FBRS: variants seen among roughly 807,000 people sequenced by gnomAD.
FBRS encodes fibrosin.
FBRS carries 15 observed loss-of-function variants against 86.1 expected under a neutral mutation model. That is an observed-to-expected ratio of 0.17 (90% CI 0.12 to 0.27). The LOEUF (loss-of-function observed/expected upper bound fraction) is 0.27, where lower values mean the gene tolerates loss of function less well. Among genes scored for constraint, FBRS ranks in the 10% least tolerant of loss-of-function variants. The probability of loss-of-function intolerance (pLI) is 1.00; values close to 1 mark genes in which losing one functional copy is unlikely to be tolerated. For missense variants in FBRS, 1,367 were observed against 1,301.6 expected (o/e 1.05, Z -0.77); for synonymous variants, 666 against 575.8 (o/e 1.16, Z -2.24).
rs756678018 is a variant in FBRS, at chr16:30,670,604, A to C, written c.*959A>C. ...ACACACCAAAGAAGGGGGTCGGCCCAGGGGTGGGCGACACAGGCAGCTTCT... is the reference window on the plus strand; with the variant it reads ...ACACACCAAAGAAGGGGGTCGGCCCCGGGGTGGGCGACACAGGCAGCTTCT... On this transcript the variant is annotated 3_prime_UTR_variant, in exon 18 of 18. Transcript: ENST00000356166. 163 of 166,324 alleles carry C rather than the reference A, an allele frequency of 9.8e-4. No homozygotes were observed. Among genetic ancestry groups the C allele is most frequent in the Non-Finnish European group, 1.8e-3 (136 of 75,394 alleles). The allele number at this position is 166,324 out of a possible 1,614,324, so 10.3% of individuals were successfully genotyped here.
chr16:30,670,230 G>A lies in FBRS; in HGVS notation c.*585G>A, dbSNP rs1324969096. The A allele has an allele frequency of 1.7e-5, 8 of 457,454 alleles. No individual in the cohort carries two copies. Among genetic ancestry groups the A allele is most frequent in the Non-Finnish European group, 8.8e-6 (2 of 226,776 alleles). 28.3% of individuals were successfully genotyped at this position (457,454 alleles called of 1,614,324 possible). Reference sequence around the variant, plus strand: ...CCTCTGGCCTCTCTGTGGGGAAAGGGGACTGCAGGGGGAAGAGCCGGGAAG... The same window carrying A: ...CCTCTGGCCTCTCTGTGGGGAAAGGAGACTGCAGGGGGAAGAGCCGGGAAG... On this transcript the variant is annotated 3_prime_UTR_variant, in exon 18 of 18. Transcript: ENST00000356166.
chr16:30,669,547 C>A lies in FBRS; in HGVS notation c.2845C>A (p.Pro949Thr). The A allele has an allele frequency of 6.2e-7, 1 of 1,612,898 alleles. No homozygotes were observed. The highest frequency in any genetic ancestry group is 8.5e-7 in the Non-Finnish European group (1 of 1,179,814). The stretch of plus-strand genomic sequence containing the variant: ...AACCCCTCACCTTCTCAGCAAGACC[C>A]CACCGGGAGCCCTTTTGGGGGCACC... The part of the protein sequence containing the change: ...PGTPHLLSKT[P>T]PGALLGAPPP... The change falls in exon 18 of 18, where the codon CCA (proline) becomes ACA (threonine). Residue 949 changes from proline (P) to threonine (T), a missense_variant. Pro to Thr is a conservative substitution (Grantham distance 38). Coordinates refer to ENST00000356166, the MANE Select transcript of FBRS (RefSeq NM_001105079.3). This position sits in a 1 kb window ranked among gnomAD's most constrained non-coding sequence, Gnocchi z 5.9.
At chr16:30,666,896 T>G (rs774741367) in intron 12 of FBRS, 23 bp from the exon 13 acceptor site, 1 of 1,608,112 alleles carries the variant, frequency 6.2e-7, no homozygotes, top group East Asian at 2.2e-5. Context: ...CCTTTCCCTT[T>G]GGTCATCCTT....
At position 30,668,657 on chromosome 16, in the gene FBRS, C is replaced by T. The variant is rs1484400146; in HGVS notation, c.2158+14C>T. 8 of 1,156,662 alleles carry T rather than the reference C, an allele frequency of 6.9e-6. No homozygotes were observed. Among genetic ancestry groups the T allele is most frequent in the African/African-American group, 1.6e-5 (1 of 64,208 alleles). The allele number at this position is 1,156,662 out of a possible 1,614,324, so 71.6% of individuals were successfully genotyped here. ...GCCCCACATTCAGTGAGTGCGGGTG[C>T]GGTGGGGTGGGGGGGCTGCGGCCAC... On this transcript the variant is annotated intron_variant, in intron 16 of 17. Transcript: ENST00000356166.
In FBRS at chr16:30,662,791, G is replaced by A. The variant is rs777652811; in HGVS notation, c.987G>A (p.Gln329=). The change falls in exon 6 of 18, where the codon CAG becomes CAA. Residue 329 remains glutamine (Q), a synonymous_variant. Transcript: ENST00000356166. ...CACCCCCACCCCAGCCCCAGCTGCAGCTTCGGGTCTCACCCTTCGGCCTCC... is the reference window on the plus strand; with the variant it reads ...CACCCCCACCCCAGCCCCAGCTGCAACTTCGGGTCTCACCCTTCGGCCTCC... ...SLPPPPQPQL[Q]LRVSPFGLRT... The A allele has an allele frequency of 2.3e-5, 35 of 1,495,552 alleles. No individual in the cohort carries two copies. Among genetic ancestry groups the A allele is most frequent in the East Asian group, 2.5e-5 (1 of 40,296 alleles). 92.6% of individuals were successfully genotyped at this position (1,495,552 alleles called of 1,614,324 possible).
chr16:30,664,943 G>A (rs778426067), intron 8 of FBRS, 23 bp downstream of exon 8: 19 of 1,608,728 alleles, frequency 1.2e-5, no homozygotes, highest in African/African-American at 2.7e-5. Context: ...TTGGGCTGGC[G>A]ATGAGGCTCG....
rs553876275 is a variant in FBRS at position 30,668,483 on chromosome 16, G to A, written c.2075-77G>A. ...GCTGAGGACTCCAGGCACCGGTCCTGCCTCTGCCCAGCCAGGCCTGGTGCC... is the reference window on the plus strand; with the variant it reads ...GCTGAGGACTCCAGGCACCGGTCCTACCTCTGCCCAGCCAGGCCTGGTGCC... On this transcript the variant is annotated intron_variant, in intron 15 of 17. Coordinates refer to ENST00000356166, the MANE Select transcript of FBRS (RefSeq NM_001105079.3). 4 of 1,352,614 alleles carry A rather than the reference G, an allele frequency of 3.0e-6. No homozygotes were observed. The Admixed American group carries it at 5.4e-5, about 18-fold the overall frequency. The allele number at this position is 1,352,614 out of a possible 1,614,324, so 83.8% of individuals were successfully genotyped here. A position where few individuals can be genotyped will look rare whatever the true frequency, so the allele number is the denominator to read the frequency against.
At chr16:30,666,335 G>A in intron 11 of FBRS, 177 bp from the exon 12 acceptor site, 2 of 740,292 alleles carry the variant, frequency 2.7e-6, no homozygotes, top group Non-Finnish European at 4.4e-6. Flanking sequence ...TTGTGCTGGA[G>A]GAGAGATGCC....
At position 30,660,045 on chromosome 16, in the gene FBRS, T is replaced by C; in HGVS notation, c.459+68T>C. On this transcript the variant is annotated intron_variant, in intron 1 of 17. Coordinates refer to ENST00000356166, the MANE Select transcript of FBRS (RefSeq NM_001105079.3). The stretch of plus-strand genomic sequence containing the variant: ...GGCAGCAAGGAGGGGGCAGTGCCCC[T>C]AGTGGGTGGAGTTGAGGGGGGAATG... 3 of 1,512,196 alleles carry C rather than the reference T, an allele frequency of 2.0e-6. No homozygotes were observed. In the East Asian group the frequency reaches 7.7e-5, roughly 39 times the overall value. The allele number at this position is 1,512,196 out of a possible 1,614,324, so 93.7% of individuals were successfully genotyped here.
chr16:30,668,987 T>TTCCCCCCCCCCCCC lies in FBRS; in HGVS notation c.2366+8_2366+9insTCCCCCCCCCCCCC. On this transcript the variant is annotated intron_variant, in intron 17 of 17. Transcript: ENST00000356166. Reference sequence around the variant, plus strand: ...CAAGGAGGAGAAGGACAGGTGTGCCTCCCACCCACCCTGCCCCTGCCCCAC... The same window carrying TTCCCCCCCCCCCCC: ...CAAGGAGGAGAAGGACAGGTGTGCCTTCCCCCCCCCCCCCCCCACCCACCCTGCCCCTGCCCCAC... 1.4e-6 allele frequency: 2 copies of TTCCCCCCCCCCCCC among 1,481,116 alleles called. No individual in the cohort carries two copies. The highest frequency in any genetic ancestry group is 1.8e-6 in the Non-Finnish European group (2 of 1,088,966). 91.7% of individuals were successfully genotyped at this position (1,481,116 alleles called of 1,614,324 possible).
chr16:30,664,262 C>A lies in FBRS; in HGVS notation c.1103C>A (p.Pro368His). The change falls in exon 7 of 18, where the codon CCT (proline) becomes CAT (histidine). Residue 368 changes from proline to histidine, a missense_variant. This residue lies in a region of FBRS where 702 missense variants were observed against 598.7 expected (regional missense o/e 1.17). Coordinates refer to ENST00000356166, the MANE Select transcript of FBRS (RefSeq NM_001105079.3). ...PKAPAPPVAQ[P>H]PPSSSSSSSS... ...GCCCCGGCCCCTCCCGTGGCTCAGC[C>A]TCCCCCCTCATCATCCTCTTCGTCC... The A allele has an allele frequency of 6.7e-7, 1 of 1,482,096 alleles. No individual in the cohort carries two copies. The highest frequency in any genetic ancestry group is 9.0e-7 in the Non-Finnish European group (1 of 1,106,158). The allele number at this position is 1,482,096 out of a possible 1,614,324, so 91.8% of individuals were successfully genotyped here. A position where few individuals can be genotyped will look rare whatever the true frequency, so the allele number is the denominator to read the frequency against.
chr16:30,664,365 G>A lies in FBRS; in HGVS notation c.1206G>A (p.Leu402=), dbSNP rs1196487789. The change falls in exon 7 of 18, where the codon TTG becomes TTA. Residue 402 remains leucine, a synonymous_variant. Coordinates refer to ENST00000356166, the MANE Select transcript of FBRS (RefSeq NM_001105079.3). ...RPPTPSLPLP[L]STHSFPPPGL... Reference sequence around the variant, plus strand: ...CGACGCCCTCACTGCCCCTGCCTTTGTCCACCCACAGCTTTCCCCCTCCCG... The same window carrying A: ...CGACGCCCTCACTGCCCCTGCCTTTATCCACCCACAGCTTTCCCCCTCCCG... 2 of 1,525,426 alleles carry A rather than the reference G, an allele frequency of 1.3e-6. No individual in the cohort carries two copies. The highest frequency in any genetic ancestry group is 5.0e-5 in the East Asian group (2 of 39,794). 94.5% of individuals were successfully genotyped at this position (1,525,426 alleles called of 1,614,324 possible). A position where few individuals can be genotyped will look rare whatever the true frequency, so the allele number is the denominator to read the frequency against.
chr16:30,667,651 CAG>C, intron 15 of FBRS, 29 bp downstream of exon 15: 1 of 1,466,804 alleles, frequency 6.8e-7, no homozygotes, highest in Non-Finnish European at 9.0e-7. Flanking sequence ...TTGGGCAACC[CAG>C]GCTTTGTCCC....
Position 30,667,261 on chromosome 16 carries a change from G to A in FBRS, c.1876-59G>A, listed in dbSNP as rs541460713. On this transcript the variant is annotated intron_variant, in intron 13 of 17. Transcript: ENST00000356166. ...TTGGAGGGGAACCACGGGTGAGAGA[G>A]CAAGAGGGGGACCAGACTGGCTCCT... The A allele has an allele frequency of 5.2e-6, 7 of 1,344,726 alleles. 1 individual carries two copies. In the Admixed American group the frequency reaches 1.6e-4, roughly 32 times the overall value. 83.3% of individuals were successfully genotyped at this position (1,344,726 alleles called of 1,614,324 possible). A position where few individuals can be genotyped will look rare whatever the true frequency, so the allele number is the denominator to read the frequency against.
Position 30,658,527 on chromosome 16 carries a change from A to C in FBRS, c.-992A>C, listed in dbSNP as rs1288640743. 6.6e-6 allele frequency: 1 copy of C among 152,522 alleles called. No homozygotes were observed. Among genetic ancestry groups the C allele is most frequent in the East Asian group, 1.9e-4 (1 of 5,204 alleles). The allele number at this position is 152,522 out of a possible 1,614,324, so 9.4% of individuals were successfully genotyped here. On this transcript the variant is annotated 5_prime_UTR_variant, in exon 1 of 18. Coordinates refer to ENST00000356166, the MANE Select transcript of FBRS (RefSeq NM_001105079.3). Reference sequence around the variant, plus strand: ...CTAAGACTCCAAAGGAGACAACAGGAGTTTGTGCTGGAGCTCCCCCGCTGC... The same window carrying C: ...CTAAGACTCCAAAGGAGACAACAGGCGTTTGTGCTGGAGCTCCCCCGCTGC...
rs1381559215 is a variant in FBRS at position 30,664,226 on chromosome 16, C to A, written c.1067C>A (p.Pro356Gln). 2 of 1,423,686 alleles carry A rather than the reference C, an allele frequency of 1.4e-6. No individual in the cohort carries two copies. The highest frequency in any genetic ancestry group is 1.9e-6 in the Non-Finnish European group (2 of 1,073,790). 88.2% of individuals were successfully genotyped at this position (1,423,686 alleles called of 1,614,324 possible). Reference sequence around the variant, plus strand: ...ACTTCTCTCCCCAGCTCTTCACGGCCGCCCCCCAAGGCCCCGGCCCCTCCC... The same window carrying A: ...ACTTCTCTCCCCAGCTCTTCACGGCAGCCCCCCAAGGCCCCGGCCCCTCCC... ...LDLSTGSSSR[P>Q]PPKAPAPPVA... Residue 356 changes from proline (P) to glutamine (Q), a missense_variant, in exon 7 of 18, where the codon CCG becomes CAG. Transcript: ENST00000356166.
Position 30,664,405 on chromosome 16 carries a change from C to G in FBRS, c.1246C>G (p.Pro416Ala), listed in dbSNP as rs2052496771. 3 of 1,381,782 alleles carry G rather than the reference C, an allele frequency of 2.2e-6. No homozygotes were observed. The highest frequency in any genetic ancestry group is 2.7e-5 in the East Asian group (1 of 37,330). 85.6% of individuals were successfully genotyped at this position (1,381,782 alleles called of 1,614,324 possible). A position where few individuals can be genotyped will look rare whatever the true frequency, so the allele number is the denominator to read the frequency against. ...SFPPPGLRPP[P>A]PPHHPSLFSP... Reference sequence around the variant, plus strand: ...TCCCCCTCCCGGGCTGCGGCCCCCCCCACCACCCCACCACCCCTCCTTGTT... The same window carrying G: ...TCCCCCTCCCGGGCTGCGGCCCCCCGCACCACCCCACCACCCCTCCTTGTT... Residue 416 changes from proline to alanine, a missense_variant, in exon 7 of 18, where the codon CCA (proline) becomes GCA (alanine). Around this residue, in one of 3 missense-constraint regions of FBRS, gnomAD observed 702 missense variants for 598.7 expected, o/e 1.17. Coordinates refer to ENST00000356166, the MANE Select transcript of FBRS (RefSeq NM_001105079.3).
Position 30,665,133 on chromosome 16 carries a change from TC to T in FBRS, c.1608+56del. ...GGTGTGTGGTGTGGGCGTGGATGCA[TC>T]CATGCTTGTGACCCTGACTGCTGGG... On this transcript the variant is annotated intron_variant, in intron 9 of 17. Transcript: ENST00000356166. This position sits in a 1 kb window ranked among gnomAD's most constrained non-coding sequence, Gnocchi z 4.1. The T allele has an allele frequency of 6.3e-7, 1 of 1,591,330 alleles. No individual in the cohort carries two copies.
chr16:30,664,821 C>CCACCAGCACAACCACCAG lies in FBRS; in HGVS notation c.1475_1492dup (p.Asn492_His497dup). 6.4e-7 allele frequency: 1 copy of CCACCAGCACAACCACCAG among 1,563,236 alleles called. No homozygotes were observed. The highest frequency in any genetic ancestry group is 8.7e-7 in the Non-Finnish European group (1 of 1,153,584). On this transcript the variant is annotated inframe_insertion, in exon 8 of 18. Coordinates refer to ENST00000356166, the MANE Select transcript of FBRS (RefSeq NM_001105079.3). ...CGGCCCGGCCCCTGGCCTTCCAGTT[C>CCACCAGCACAACCACCAG]CACCAGCACAACCACCAGCACCAGC...
Sources: allele counts gnomAD v4.1 joint callset, GRCh38; gene constraint gnomAD v4.1.1; regional missense constraint gnomAD v4.1.1; non-coding constraint Gnocchi (gnomAD v3.1); transcripts MANE v1.5; gene names NCBI Gene and HGNC (gene_info 2026-07-23, HGNC 2026-07-21).